The following RIGI variants were observed in gnomAD, a reference collection of about 807,000 sequenced individuals.
RIGI encodes the protein RNA sensor RIG-I.
chr9:32,467,382 GGA>G, the RIGI span, among the ~76,000 whole-genome samples: 1 of 151,888 alleles, frequency 6.6e-6, no homozygotes, highest in African/African-American at 2.4e-5. Flanking sequence ...AGAATAGTTA[GGA>G]GACTAGTCAA....
At chr9:32,469,479 G>A in the RIGI span, among the ~76,000 whole-genome samples, 2 of 152,290 alleles carry the variant, frequency 1.3e-5, no homozygotes, top group East Asian at 3.9e-4. Context: ...AATCTGTAAA[G>A]GGAAAACTGT....
the RIGI span, chr9:32,459,443 C>T: frequency 2.5e-6 from 4 of 1,613,730 alleles, no homozygotes; most frequent in Non-Finnish European, 3.4e-6. Context: ...TTTTATTTTC[C>T]TTATCAGGTA....
At chr9:32,523,057 C>T in the RIGI span, among the ~76,000 whole-genome samples, 1 of 152,150 alleles carries the variant, frequency 6.6e-6, no homozygotes, top group South Asian at 2.1e-4. Context: ...CTTACCCCTC[C>T]AGAGTCCATT....
chr9:32,471,780 C>T, the RIGI span, among the ~76,000 whole-genome samples: 75 of 152,298 alleles, frequency 4.9e-4, 1 homozygote, highest in East Asian at 0.014. Context: ...TCAAGGAGGA[C>T]TCATGTTGGA....
chr9:32,476,902 G>A, the RIGI span: 209 of 1,237,692 alleles, frequency 1.7e-4, 2 homozygotes, highest in South Asian at 1.8e-3. Context: ...GATTACAGGC[G>A]TGAGACACCA....
At chr9:32,464,897 T>C in the RIGI span, among the ~76,000 whole-genome samples, 2 of 152,192 alleles carry the variant, frequency 1.3e-5, no homozygotes, top group African/African-American at 2.4e-5. Flanking sequence ...ATTCAACAGA[T>C]ACTTAACCCA....
chr9:32,481,219 G>A, the RIGI span: 9 of 987,422 alleles, frequency 9.1e-6, no homozygotes, highest in South Asian at 3.9e-5. Flanking sequence ...AGAACTTTCT[G>A]GAAAGGTTCC....
chr9:32,517,710 T>G, the RIGI span, among the ~76,000 whole-genome samples: 2 of 152,250 alleles, frequency 1.3e-5, no homozygotes, highest in Admixed American at 1.3e-4. Flanking sequence ...TTTAATGCTG[T>G]TAGTTTAATG....
the RIGI span, among the ~76,000 whole-genome samples, chr9:32,524,285 A>T: frequency 6.6e-6 from 1 of 152,218 alleles, no homozygotes; most frequent in Non-Finnish European, 1.5e-5. Context: ...TCCAATGCTA[A>T]CATAATACTG....
chr9:32,497,244 G>C, the RIGI span, among the ~76,000 whole-genome samples: 1 of 152,024 alleles, frequency 6.6e-6, no homozygotes, highest in Non-Finnish European at 1.5e-5. Flanking sequence ...CAGGGTATGA[G>C]TCTTTTATCT....
chr9:32,467,637 G>A, the RIGI span: 1 of 873,392 alleles, frequency 1.1e-6, no homozygotes, highest in Non-Finnish European at 1.7e-6. Flanking sequence ...TGATACCAAA[G>A]TGCACTGTGC....
the RIGI span, chr9:32,456,945 G>A: frequency 1.7e-6 from 1 of 587,850 alleles, no homozygotes; most frequent in Non-Finnish European, 3.0e-6. Flanking sequence ...AAAATACTCA[G>A]TGCTGTGATT....
chr9:32,511,914 A>T, the RIGI span, among the ~76,000 whole-genome samples: 1 of 152,210 alleles, frequency 6.6e-6, no homozygotes, highest in Non-Finnish European at 1.5e-5. Context: ...CAGTGATCCC[A>T]CAGAAATACA....
chr9:32,472,912 T>TAC, the RIGI span: 88 of 1,056,778 alleles, frequency 8.3e-5, no homozygotes, highest in South Asian at 6.8e-4. Flanking sequence ...CACATATACA[T>TAC]ACACACACAC....
At chr9:32,463,592 A>G in the RIGI span, among the ~76,000 whole-genome samples, 2 of 152,204 alleles carry the variant, frequency 1.3e-5, no homozygotes, top group Non-Finnish European at 2.9e-5. Flanking sequence ...TATAAATCCT[A>G]ATAAGTTAAA....
the RIGI span, among the ~76,000 whole-genome samples, chr9:32,514,626 A>T: frequency 2.7e-3 from 407 of 152,296 alleles, 3 homozygotes; most frequent in African/African-American, 9.6e-3. Context: ...CCTAATGGAG[A>T]TGATGGTTTG....
the RIGI span, chr9:32,481,467 A>G: frequency 8.1e-6 from 13 of 1,600,162 alleles, no homozygotes; most frequent in South Asian, 1.5e-4. Flanking sequence ...CTGTGTTCCA[A>G]ATTCCCTATT....
chr9:32,467,872 T>C, the RIGI span: 1 of 1,613,596 alleles, frequency 6.2e-7, no homozygotes, highest in African/African-American at 1.3e-5. Flanking sequence ...AATCAGAATA[T>C]TGTGATCTCC....
chr9:32,495,946 T>G, the RIGI span, among the ~76,000 whole-genome samples: 2 of 152,222 alleles, frequency 1.3e-5, no homozygotes, highest in South Asian at 4.1e-4. Context: ...TTTTTTAATT[T>G]GATTTTTTGT....
Sources: gnomAD v4.1 joint callset for allele counts (sites outside exome capture counted in the v4.1 genomes callset) on GRCh38, gnomAD v4.1.1 for gene constraint, MANE v1.5 for transcripts, NCBI Gene and HGNC (gene_info 2026-07-23, HGNC 2026-07-21) for gene names.